The following PEX5L variants were observed in gnomAD, a reference collection of about 807,000 sequenced individuals.
The protein encoded by PEX5L is peroxisomal biogenesis factor 5 like, also known as PEX5-related protein.
PEX5L carries 30 observed loss-of-function variants against 84.0 expected under a neutral mutation model. That is an observed-to-expected ratio of 0.36 (90% CI 0.27 to 0.48). The LOEUF (loss-of-function observed/expected upper bound fraction) is 0.48. Among genes scored for constraint, PEX5L ranks in the 20% least tolerant of loss-of-function variants. The pLI is 0.99. For missense variants in PEX5L, 533 were observed against 754.6 expected, an observed-to-expected ratio of 0.71 and a Z score of 3.44; for synonymous variants, 270 against 283.1, an observed-to-expected ratio of 0.95 and a Z score of 0.46.
At chr3:179,875,682 A>G (rs1752155444) in intron 5 of PEX5L, among the ~76,000 whole-genome samples, 2 of 152,228 alleles carry the variant, frequency 1.3e-5, no homozygotes, top group South Asian at 4.1e-4. Flanking sequence ...GTTGCATACA[A>G]ATTAAAACTT....
intron 1 of PEX5L, among the ~76,000 whole-genome samples, chr3:179,994,581 A>G (rs1249672690): frequency 2.0e-5 from 3 of 152,194 alleles, no homozygotes; most frequent in Admixed American, 2.0e-4. Context: ...GAAGGGAGTC[A>G]TCATCCACTG....
intron 9 of PEX5L, among the ~76,000 whole-genome samples, chr3:179,818,518 T>C (rs1346616985): frequency 1.3e-5 from 2 of 152,194 alleles, no homozygotes; most frequent in African/African-American, 4.8e-5. Flanking sequence ...CCCAATATGC[T>C]ATAAAATACT....
chr3:179,915,448 C>A (rs575435823), intron 2 of PEX5L, among the ~76,000 whole-genome samples: 1 of 152,312 alleles, frequency 6.6e-6, no homozygotes, highest in South Asian at 2.1e-4. Flanking sequence ...AGAACTAGTA[C>A]ATTCGTATTC....
chr3:179,817,340 T>C (rs1260328043), intron 9 of PEX5L, among the ~76,000 whole-genome samples: 2 of 152,246 alleles, frequency 1.3e-5, no homozygotes, highest in South Asian at 2.1e-4. Flanking sequence ...TAGTTTTATA[T>C]TGTGATTTCT....
At chr3:179,913,645 A>C (rs1246291167) in intron 2 of PEX5L, among the ~76,000 whole-genome samples, 1 of 152,148 alleles carries the variant, frequency 6.6e-6, no homozygotes, top group Non-Finnish European at 1.5e-5. Context: ...TTCTTAGAGA[A>C]TATTTAATTG....
intron 2 of PEX5L, among the ~76,000 whole-genome samples, chr3:179,955,480 T>TC (rs376353847): frequency 0.68 from 94,802 of 139,148 alleles, 32,677 homozygotes; most frequent in East Asian, 0.88. Flanking sequence ...GCTATGCTCT[T>TC]TTTTTTTTTT....
chr3:179,973,693 T>C (rs1304381253), intron 1 of PEX5L: 2 of 985,266 alleles, frequency 2.0e-6, no homozygotes, highest in East Asian at 2.3e-4. Context: ...AAACTGCAAC[T>C]TCTACAAATA....
At chr3:179,930,158 A>G (rs1471856368) in intron 2 of PEX5L, among the ~76,000 whole-genome samples, 1 of 152,186 alleles carries the variant, frequency 6.6e-6, no homozygotes, top group Non-Finnish European at 1.5e-5. Flanking sequence ...AGCTTTAACA[A>G]GCTGTTCTGG....
rs1057216777 is a variant in PEX5L at position 179,797,616 on chromosome 3, A to G, written c.*4212T>C. 2 of 145,580 alleles carry G rather than the reference A, an allele frequency of 1.4e-5. No homozygotes were observed. The highest frequency in any genetic ancestry group is 4.3e-4 in the South Asian group (2 of 4,700). 9.0% of individuals were successfully genotyped at this position (145,580 alleles called of 1,614,324 possible). On this transcript the variant is annotated 3_prime_UTR_variant, in exon 15 of 15. Coordinates refer to ENST00000467460, the MANE Select transcript of PEX5L (RefSeq NM_016559.3). ...AAAAAAAAAAAAAAAATATATATAT[A>G]TATATATATATATATCTACTTCTTA...
At chr3:179,953,481 A>G (rs1779663347) in intron 2 of PEX5L, among the ~76,000 whole-genome samples, 1 of 152,240 alleles carries the variant, frequency 6.6e-6, no homozygotes, top group South Asian at 2.1e-4. Context: ...TAATTTAAAG[A>G]TTCTGCTGCT....
At chr3:179,873,993 T>C (rs543352176) in intron 7 of PEX5L, among the ~76,000 whole-genome samples, 1 of 152,268 alleles carries the variant, frequency 6.6e-6, no homozygotes, top group Non-Finnish European at 1.5e-5. Flanking sequence ...TCGAGTTCTG[T>C]TATGTAAATA....
chr3:179,975,141 A>C (rs1157243352), intron 1 of PEX5L, among the ~76,000 whole-genome samples: 1 of 152,192 alleles, frequency 6.6e-6, no homozygotes, highest in Non-Finnish European at 1.5e-5. Context: ...GTAAGCCATG[A>C]ATGCACTATT....
chr3:179,994,754 G>A (rs1787701284), intron 1 of PEX5L, among the ~76,000 whole-genome samples: 1 of 152,074 alleles, frequency 6.6e-6, no homozygotes, highest in African/African-American at 2.4e-5. Context: ...TTATCTGGGT[G>A]GGCATCATCT....
intron 8 of PEX5L, among the ~76,000 whole-genome samples, chr3:179,824,483 A>C (rs1729625557): frequency 6.6e-6 from 1 of 152,174 alleles, no homozygotes; most frequent in South Asian, 2.1e-4. Context: ...AGGCAGGTGG[A>C]TCACCTGAGG....
At chr3:179,890,010 T>C (rs1441198056) in intron 3 of PEX5L, among the ~76,000 whole-genome samples, 1 of 152,212 alleles carries the variant, frequency 6.6e-6, no homozygotes, top group Admixed American at 6.5e-5. Context: ...ATATGATTAG[T>C]GTCCCAGAAT....
chr3:179,847,077 GTGTGTATATATA>G (rs368918830), intron 8 of PEX5L, among the ~76,000 whole-genome samples: 32,024 of 126,232 alleles, frequency 0.25, 3,544 homozygotes, highest in Non-Finnish European at 0.29. Context: ...GTGTGTGTGT[GTGTGTATATATA>G]TATATATATA....
At chr3:180,008,903 C>A (rs1789172374) in intron 1 of PEX5L, among the ~76,000 whole-genome samples, 1 of 152,194 alleles carries the variant, frequency 6.6e-6, no homozygotes, top group South Asian at 2.1e-4. Flanking sequence ...CTTGCTTTTT[C>A]ATTCAGCTCA....
At chr3:179,951,140 G>A (rs1209581528) in intron 2 of PEX5L, among the ~76,000 whole-genome samples, 1 of 152,018 alleles carries the variant, frequency 6.6e-6, no homozygotes, top group African/African-American at 2.4e-5. Context: ...AAATAATATC[G>A]AGCTTTGTGA....
intron 2 of PEX5L, among the ~76,000 whole-genome samples, chr3:179,906,400 G>A (rs1044337392): frequency 6.6e-6 from 1 of 152,104 alleles, no homozygotes; most frequent in Non-Finnish European, 1.5e-5. Flanking sequence ...TTATCCTAAG[G>A]ATGAGCATCT....
Sources: allele counts gnomAD v4.1 joint callset (sites outside exome capture counted in the v4.1 genomes callset), GRCh38; gene constraint gnomAD v4.1.1; transcripts MANE v1.5; gene names NCBI Gene and HGNC (gene_info 2026-07-23, HGNC 2026-07-21).